The following RORA variants were observed in gnomAD, a reference collection of about 807,000 sequenced individuals.
RORA encodes nuclear receptor ROR-alpha.
A neutral mutation model predicts 69.5 loss-of-function variants in RORA; 7 were observed. The observed-to-expected ratio is 0.10, with a 90% confidence interval of 0.06 to 0.19. RORA has a LOEUF of 0.19. RORA is among the 10% of genes least tolerant of loss of function. The pLI, the probability that RORA is intolerant of heterozygous loss-of-function variation, is 1.00. For missense variants in RORA, 457 were observed against 663.0 expected (o/e 0.69, Z 3.41); for synonymous variants, 261 against 240.8 (o/e 1.08, Z -0.78).
intron 1 of RORA, among the ~76,000 whole-genome samples, chr15:61,073,048 T>G (rs2078391040): frequency 6.6e-6 from 1 of 152,230 alleles, no homozygotes; most frequent in Non-Finnish European, 1.5e-5. Flanking sequence ...CCTGTCCACT[T>G]TTCGCCACCA....
intron 2 of RORA, among the ~76,000 whole-genome samples, chr15:60,597,575 C>T (rs7173496): frequency 0.035 from 1,010 of 29,188 alleles, 78 homozygotes; most frequent in African/African-American, 0.11. Flanking sequence ...TATATATATA[C>T]ACATATATAT....
Position 61,098,113 on chromosome 15 carries a change from CTCCT to C in RORA, c.166+130936_166+130939del, listed in dbSNP as rs544412292. ...CCCTCCTTCCTCCTTCCCTCCCTCC[CTCCT>C]TCCTTCTCTCCCTCCCTCCCTCCTT... On this transcript the variant is annotated intron_variant, in intron 1 of 10. Transcript: ENST00000335670. Among the ~76,000 whole-genome samples, 176 of 140,666 alleles carry C rather than the reference CTCCT, an allele frequency of 1.3e-3. 1 individual carries two copies. The highest frequency in any genetic ancestry group is 0.011 in the Admixed American group (159 of 14,200). The allele number at this position is 140,666 out of a possible 152,430, so 92.3% of individuals were successfully genotyped here. A position where few individuals can be genotyped will look rare whatever the true frequency, so the allele number is the denominator to read the frequency against.
intron 2 of RORA, among the ~76,000 whole-genome samples, chr15:60,633,803 C>G (rs577475519): frequency 8.1e-4 from 123 of 152,164 alleles, no homozygotes; most frequent in Non-Finnish European, 1.6e-3. Context: ...AATAAACTGC[C>G]CAGCCCAAAT....
At chr15:60,619,432 T>C (rs926573487) in intron 2 of RORA, among the ~76,000 whole-genome samples, 2 of 152,238 alleles carry the variant, frequency 1.3e-5, no homozygotes, top group African/African-American at 4.8e-5. Flanking sequence ...TGATGTATCA[T>C]GATGATGCCT....
At chr15:61,141,260 G>C (rs2079295615) in intron 1 of RORA, among the ~76,000 whole-genome samples, 1 of 152,172 alleles carries the variant, frequency 6.6e-6, no homozygotes, top group African/African-American at 2.4e-5. Flanking sequence ...TTCAACCTAT[G>C]TTACTGAGAA....
chr15:61,137,111 G>T (rs1485670541), intron 1 of RORA, among the ~76,000 whole-genome samples: 1 of 149,730 alleles, frequency 6.7e-6, no homozygotes. Context: ...AAAAAGCAAG[G>T]GTGTCCAGGG....
In RORA at chr15:60,713,508, G is replaced by A. The variant is rs548120577; in HGVS notation, c.167-34822C>T. On this transcript the variant is annotated intron_variant, in intron 1 of 10. Transcript: ENST00000335670. ...TGAGACTGAACAGTGGCAACGAGGA[G>A]GAAAAGATCCAAAATTAAAAGAACA... Among the ~76,000 whole-genome samples the A allele has an allele frequency of 1.1e-4, 17 of 152,248 alleles. 1 individual carries two copies. The South Asian group carries it at 3.3e-3, about 30-fold the overall frequency.
chr15:60,606,463 A>T (rs189087626), intron 2 of RORA, among the ~76,000 whole-genome samples: 3 of 152,210 alleles, frequency 2.0e-5, no homozygotes, highest in Admixed American at 2.0e-4. Context: ...TGTTTTTTTT[A>T]AACCAAGATG....
intron 1 of RORA, among the ~76,000 whole-genome samples, chr15:60,800,374 T>C (rs544025352): frequency 6.6e-6 from 1 of 152,336 alleles, no homozygotes; most frequent in South Asian, 2.1e-4. Context: ...GGGATTCAGT[T>C]ATGAAGCAGA....
intron 1 of RORA, among the ~76,000 whole-genome samples, chr15:61,121,819 C>A: frequency 1.8e-5 from 2 of 112,706 alleles, no homozygotes. Flanking sequence ...AATGTAACTG[C>A]CAAAAGAAAA....
intron 1 of RORA, among the ~76,000 whole-genome samples, chr15:61,075,478 C>G (rs1282371929): frequency 6.6e-6 from 1 of 152,168 alleles, no homozygotes; most frequent in Admixed American, 6.5e-5. Context: ...TTGCTCCCCC[C>G]ATTAGTCTGT....
At chr15:60,679,082 C>T (rs764821335) in intron 1 of RORA, among the ~76,000 whole-genome samples, 5 of 152,146 alleles carry the variant, frequency 3.3e-5, no homozygotes, top group South Asian at 2.1e-4. Flanking sequence ...ATGAGCAACA[C>T]GGCAATTAAT....
At chr15:60,742,656 C>G (rs958935404) in intron 1 of RORA, among the ~76,000 whole-genome samples, 1 of 152,200 alleles carries the variant, frequency 6.6e-6, no homozygotes, top group Admixed American at 6.5e-5. Flanking sequence ...TCAGTCTTTG[C>G]TAACACTATT....
At position 61,158,706 on chromosome 15, in the gene RORA, C is replaced by A. The variant is rs567783412; in HGVS notation, c.166+70347G>T. On this transcript the variant is annotated intron_variant, in intron 1 of 10. Transcript: ENST00000335670. ...GACCCAAAGAGGCTCAGAAACTGTT[C>A]CTGGTCTGGATTGTTGCGGGAGCTG... Among the ~76,000 whole-genome samples the A allele has an allele frequency of 3.9e-5, 6 of 152,264 alleles. No homozygotes were observed. The East Asian group carries it at 1.2e-3, about 29-fold the overall frequency.
intron 1 of RORA, among the ~76,000 whole-genome samples, chr15:61,035,976 C>A (rs1329914815): frequency 6.6e-6 from 1 of 152,138 alleles, no homozygotes; most frequent in African/African-American, 2.4e-5. Flanking sequence ...GTGGAAGATG[C>A]TGCAGTCAGT....
rs568550350 is a variant in RORA at position 61,080,021 on chromosome 15, A to G, written c.166+149032T>C. On this transcript the variant is annotated intron_variant, in intron 1 of 10. Transcript: ENST00000335670. ...AGAGGCCAGCATGTGCCCAGCACAC[A>G]GTAAGGATTATGGGAATCAAGGACC... is the stretch of plus-strand genomic sequence containing the variant. Among the ~76,000 whole-genome samples, 3 of 152,358 alleles carry G rather than the reference A, an allele frequency of 2.0e-5. No homozygotes were observed. In the East Asian group the frequency reaches 5.8e-4, roughly 29 times the overall value.
At chr15:61,001,428 G>A (rs1894741483) in intron 1 of RORA, among the ~76,000 whole-genome samples, 1 of 152,224 alleles carries the variant, frequency 6.6e-6, no homozygotes, top group Non-Finnish European at 1.5e-5. Context: ...AGAGTCAGAG[G>A]AAGAAAACTA....
intron 1 of RORA, among the ~76,000 whole-genome samples, chr15:61,096,718 G>C (rs1020154057): frequency 6.6e-6 from 1 of 152,130 alleles, no homozygotes; most frequent in Non-Finnish European, 1.5e-5. Flanking sequence ...TAGGCTCCTA[G>C]TGCCTAGGGA....
At chr15:61,030,247 T>C (rs1458671596) in intron 1 of RORA, among the ~76,000 whole-genome samples, 2 of 152,054 alleles carry the variant, frequency 1.3e-5, no homozygotes, top group Admixed American at 6.6e-5. Flanking sequence ...ATTGAGACAA[T>C]GGGTGAAACT....
Sources: gnomAD v4.1 joint callset for allele counts (sites outside exome capture counted in the v4.1 genomes callset) on GRCh38, gnomAD v4.1.1 for gene constraint, MANE v1.5 for transcripts, NCBI Gene and HGNC (gene_info 2026-07-23, HGNC 2026-07-21) for gene names.